Variants in NOX4 observed in about 807,000 individuals in gnomAD.
NOX4 encodes NADPH oxidase 4.
In NOX4, 69 loss-of-function variants were observed where a neutral mutation model predicts 87.6. That is an observed-to-expected ratio of 0.79 (90% CI 0.65 to 0.96). The LOEUF (loss-of-function observed/expected upper bound fraction) is 0.96. Among genes scored for constraint, NOX4 ranks in the 40% least tolerant of loss-of-function variants. The pLI is 0.00. For missense variants in NOX4, 680 were observed against 681.5 expected (o/e 1.00, Z 0.02); for synonymous variants, 275 against 238.2 (o/e 1.15, Z -1.42).
intron 4 of NOX4, among the ~76,000 whole-genome samples, chr11:89,445,005 C>G (rs749975205): frequency 1.6e-4 from 24 of 152,096 alleles, no homozygotes; most frequent in Non-Finnish European, 3.4e-4. Flanking sequence ...ACACCTTCCC[C>G]CTTGCTCAAG....
chr11:89,423,261 G>C (rs1875565), intron 7 of NOX4, among the ~76,000 whole-genome samples: 10 of 152,008 alleles, frequency 6.6e-5, no homozygotes, highest in Non-Finnish European at 1.2e-4. Context: ...CAAAAACTCA[G>C]ACTAAATTTT....
the NOX4 span, among the ~76,000 whole-genome samples, chr11:89,516,536 G>C: frequency 1.3e-5 from 2 of 151,940 alleles, no homozygotes; most frequent in Admixed American, 1.3e-4. Flanking sequence ...CCATACTGCT[G>C]AGGAATTCAC....
At chr11:89,329,573 G>A (rs1945383843) in intron 17 of NOX4, among the ~76,000 whole-genome samples, 1 of 151,332 alleles carries the variant, frequency 6.6e-6, no homozygotes, top group Non-Finnish European at 1.5e-5. Flanking sequence ...CTAAAAACGA[G>A]TGACAAAAAG....
intron 12 of NOX4, among the ~76,000 whole-genome samples, chr11:89,372,208 T>C (rs12797184): frequency 0.033 from 4,938 of 151,906 alleles, 218 homozygotes; most frequent in African/African-American, 0.1. Flanking sequence ...CCTCTGCCTT[T>C]AAGTACCTTC....
chr11:89,520,977 T>A, the NOX4 span, among the ~76,000 whole-genome samples: 1 of 152,196 alleles, frequency 6.6e-6, no homozygotes, highest in African/African-American at 2.4e-5. Flanking sequence ...GGAATACGTC[T>A]AAGTAAGGAA....
chr11:89,506,054 G>A, the NOX4 span, among the ~76,000 whole-genome samples: 3 of 151,710 alleles, frequency 2.0e-5, no homozygotes, highest in Non-Finnish European at 2.9e-5. Context: ...ATAAAAATAA[G>A]TATAGATAAA....
chr11:89,488,118 T>C (rs367581434), intron 2 of NOX4, among the ~76,000 whole-genome samples: 1 of 152,140 alleles, frequency 6.6e-6, no homozygotes, highest in Non-Finnish European at 1.5e-5. Flanking sequence ...TGACTCTTGG[T>C]AAAATGGAGA....
chr11:89,532,326 G>C, the NOX4 span, among the ~76,000 whole-genome samples: 1 of 152,176 alleles, frequency 6.6e-6, no homozygotes, highest in African/African-American at 2.4e-5. Context: ...CCAAGGCCTT[G>C]GGAGCCCACC....
intron 2 of NOX4, among the ~76,000 whole-genome samples, chr11:89,489,565 T>G (rs1331124146): frequency 2.0e-5 from 3 of 151,698 alleles, no homozygotes; most frequent in African/African-American, 7.3e-5. Context: ...TTGTGTCTAC[T>G]AAAAATACAA....
At chr11:89,539,309 G>A in the NOX4 span, among the ~76,000 whole-genome samples, 1 of 152,138 alleles carries the variant, frequency 6.6e-6, no homozygotes, top group Admixed American at 6.5e-5. Context: ...GCATGCACCT[G>A]TAGTCCCAGC....
At chr11:89,528,166 C>T in the NOX4 span, among the ~76,000 whole-genome samples, 3 of 152,296 alleles carry the variant, frequency 2.0e-5, no homozygotes, top group Non-Finnish European at 4.4e-5. Flanking sequence ...GTAGCCACTT[C>T]GTTTTGGCCA....
At chr11:89,328,718 T>G (rs1945321000) in intron 17 of NOX4, among the ~76,000 whole-genome samples, 1 of 152,064 alleles carries the variant, frequency 6.6e-6, no homozygotes, top group Non-Finnish European at 1.5e-5. Flanking sequence ...CCTCAGTGCT[T>G]CAGGATGTGA....
intron 7 of NOX4, among the ~76,000 whole-genome samples, chr11:89,425,769 G>T (rs191043305): frequency 9.4e-4 from 143 of 151,870 alleles, no homozygotes; most frequent in African/African-American, 2.6e-3. Flanking sequence ...GAAATTTTAG[G>T]GTGTATGTAT....
chr11:89,578,841 G>C, the NOX4 span, among the ~76,000 whole-genome samples: 3 of 152,100 alleles, frequency 2.0e-5, no homozygotes, highest in African/African-American at 7.2e-5. Context: ...GCCCATACAA[G>C]GAATTTCACA....
At chr11:89,460,766 T>C (rs1191420428) in intron 2 of NOX4, among the ~76,000 whole-genome samples, 5 of 152,196 alleles carry the variant, frequency 3.3e-5, no homozygotes, top group Non-Finnish European at 5.9e-5. Flanking sequence ...CTCAGGGATC[T>C]AGAACTAGAA....
Position 89,421,952 on chromosome 11 carries a change from A to T in NOX4, c.579T>A (p.Thr193=). The T allele has an allele frequency of 1.3e-6, 2 of 1,564,604 alleles. No homozygotes were observed. The highest frequency in any genetic ancestry group is 8.6e-7 in the Non-Finnish European group (1 of 1,158,104). ...RVSNYDIFWY[T]HNLFFVFYML... is the part of the protein sequence containing the mutation. ...TGTAGAAGACAAAGAAGAGGTTATGAGTATACCAGAAGATATCATAGTTAG... is the reference window on the plus strand; with the variant it reads ...TGTAGAAGACAAAGAAGAGGTTATGTGTATACCAGAAGATATCATAGTTAG... Residue 193 remains threonine (T), a synonymous_variant, in exon 8 of 18, where the codon ACT becomes ACA. Transcript: ENST00000263317.
the NOX4 span, among the ~76,000 whole-genome samples, chr11:89,544,668 T>C: frequency 3.9e-5 from 6 of 152,266 alleles, no homozygotes; most frequent in South Asian, 8.3e-4. Context: ...TCTTTCTTCA[T>C]CTTTACAACA....
In NOX4 at chr11:89,402,332, A is replaced by G; in HGVS notation, c.840T>C (p.Phe280=). The G allele has an allele frequency of 1.9e-6, 3 of 1,612,502 alleles. No homozygotes were observed. In the South Asian group the frequency reaches 3.3e-5, roughly 18 times the overall value. Residue 280 remains phenylalanine, a synonymous_variant, in exon 9 of 18, where the codon TTT becomes TTC. Coordinates refer to ENST00000263317, the MANE Select transcript of NOX4 (RefSeq NM_016931.5). The part of the protein sequence containing the change: ...CMEEPRFQAN[F]PQTWLWISGP... The stretch of plus-strand genomic sequence containing the variant: ...AACACAAAATTAATCTGACCTGTGG[A>G]AAATTAGCTTGGAATCTGGGCTCTT...
At chr11:89,460,048 C>T (rs1353651202) in intron 2 of NOX4, among the ~76,000 whole-genome samples, 2 of 152,074 alleles carry the variant, frequency 1.3e-5, no homozygotes, top group African/African-American at 4.8e-5. Context: ...CTGACAAAAA[C>T]AAGAAATGGG....
Sources: gnomAD v4.1 joint callset for allele counts (sites outside exome capture counted in the v4.1 genomes callset) on GRCh38, gnomAD v4.1.1 for gene constraint, MANE v1.5 for transcripts, NCBI Gene and HGNC (gene_info 2026-07-23, HGNC 2026-07-21) for gene names.